The following DTNBP1 variants were observed in gnomAD, a reference collection of about 807,000 sequenced individuals.
The protein encoded by DTNBP1 is dysbindin.
DTNBP1 carries 35 observed loss-of-function variants against 42.8 expected under a neutral mutation model. The ratio of observed to expected loss-of-function variants is 0.82; its 90% confidence interval spans 0.63 to 1.09. DTNBP1 has a LOEUF of 1.09. Ranked by LOEUF, DTNBP1 falls within the 50% of genes least tolerant of loss-of-function variation. DTNBP1 has a pLI of 0.00. For missense variants in DTNBP1, 457 were observed against 424.2 expected (o/e 1.08, Z -0.68); for synonymous variants, 171 against 162.2 (o/e 1.05, Z -0.41).
intron 7 of DTNBP1, among the ~76,000 whole-genome samples, chr6:15,549,397 G>C (rs1469512678): frequency 1.3e-5 from 2 of 149,688 alleles, no homozygotes; most frequent in African/African-American, 4.9e-5. Flanking sequence ...AGACAGGTGA[G>C]TCGCTTGAAC....
chr6:15,595,916 T>C (rs1776498896), intron 6 of DTNBP1, among the ~76,000 whole-genome samples: 1 of 152,202 alleles, frequency 6.6e-6, no homozygotes, highest in Non-Finnish European at 1.5e-5. Context: ...TAAAATATTT[T>C]GTTTTATTTT....
chr6:15,592,902 C>T (rs1341946288), intron 7 of DTNBP1, among the ~76,000 whole-genome samples, 157 bp downstream of exon 7: 1 of 152,122 alleles, frequency 6.6e-6, no homozygotes, highest in African/African-American at 2.4e-5. Flanking sequence ...ATATCAAAAC[C>T]ACCTGTGATT....
At chr6:15,551,989 G>C (rs1044106132) in intron 7 of DTNBP1, among the ~76,000 whole-genome samples, 1 of 152,122 alleles carries the variant, frequency 6.6e-6, no homozygotes, top group Non-Finnish European at 1.5e-5. Context: ...CACAGCTGAC[G>C]GGAAACACCA....
At chr6:15,573,774 C>T (rs1378867755) in intron 7 of DTNBP1, among the ~76,000 whole-genome samples, 1 of 152,134 alleles carries the variant, frequency 6.6e-6, no homozygotes, top group Non-Finnish European at 1.5e-5. Context: ...GTGGTGCGAT[C>T]TCGGCTGACT....
At position 15,607,010 on chromosome 6, in the gene DTNBP1, A is replaced by T. The variant is rs867132244; in HGVS notation, c.488+8257T>A. On this transcript the variant is annotated intron_variant, in intron 6 of 9. Coordinates refer to ENST00000344537, the MANE Select transcript of DTNBP1 (RefSeq NM_032122.5). ...TTGTGAAATGCTGAGTCAAAAAAAAATTTTTTTTTTTTTTTTTTGAGACAG... is the reference window on the plus strand; with the variant it reads ...TTGTGAAATGCTGAGTCAAAAAAAATTTTTTTTTTTTTTTTTTTGAGACAG... Among the ~76,000 whole-genome samples, 1,229 of 138,080 alleles carry T rather than the reference A, an allele frequency of 8.9e-3. 24 individuals are homozygous for T. Among genetic ancestry groups the T allele is most frequent in the African/African-American group, 0.03 (1,110 of 36,594 alleles). 90.6% of individuals were successfully genotyped at this position (138,080 alleles called of 152,430 possible).
At chr6:15,641,332 G>A (rs1379637161) in intron 3 of DTNBP1, among the ~76,000 whole-genome samples, 2 of 152,188 alleles carry the variant, frequency 1.3e-5, no homozygotes, top group African/African-American at 2.4e-5. Context: ...ACAGAAAACT[G>A]AGGGAAGGGA....
intron 5 of DTNBP1, among the ~76,000 whole-genome samples, chr6:15,622,983 A>C (rs1759130195): frequency 6.6e-6 from 1 of 152,250 alleles, no homozygotes; most frequent in Non-Finnish European, 1.5e-5. Flanking sequence ...TAGGTCACAG[A>C]GGCCAGGTAC....
rs556656611 is a variant in DTNBP1, at chr6:15,523,488, G to C, written c.812-269C>G. 17 of 1,284,478 alleles carry C rather than the reference G, an allele frequency of 1.3e-5. No individual in the cohort carries two copies. The Admixed American group carries it at 3.9e-4, about 29-fold the overall frequency. The allele number at this position is 1,284,478 out of a possible 1,614,324, so 79.6% of individuals were successfully genotyped here. A position where few individuals can be genotyped will look rare whatever the true frequency, so the allele number is the denominator to read the frequency against. On this transcript the variant is annotated intron_variant, in intron 9 of 9. Transcript: ENST00000344537. ...AAGTGCTCCTAAGGCTGTAATACGC[G>C]TGTAATAGAGGCCCAAAGGCAAGTG... is the stretch of plus-strand genomic sequence containing the variant.
intron 7 of DTNBP1, among the ~76,000 whole-genome samples, chr6:15,559,395 C>G (rs971616810): frequency 1.3e-5 from 2 of 152,282 alleles, no homozygotes; most frequent in Non-Finnish European, 2.9e-5. Flanking sequence ...GAAGTGTCAT[C>G]TTGTTTTATC....
At chr6:15,625,068 G>A (rs1185849385) in intron 5 of DTNBP1, among the ~76,000 whole-genome samples, 1 of 152,096 alleles carries the variant, frequency 6.6e-6, no homozygotes, top group East Asian at 1.9e-4. Flanking sequence ...AACTCTCTCT[G>A]GGCTTATTCT....
intron 4 of DTNBP1, among the ~76,000 whole-genome samples, chr6:15,632,838 A>G (rs1759768066): frequency 6.6e-6 from 1 of 152,240 alleles, no homozygotes; most frequent in Non-Finnish European, 1.5e-5. Flanking sequence ...TTTTTTATAC[A>G]TTGCTGGATT....
intron 7 of DTNBP1, among the ~76,000 whole-genome samples, chr6:15,577,990 AAAG>A (rs1775653924): frequency 6.6e-6 from 1 of 152,360 alleles, no homozygotes; most frequent in South Asian, 2.1e-4. Flanking sequence ...GGATTAAGGA[AAAG>A]AATAGTGAAG....
chr6:15,656,357 C>G (rs1761280819), intron 1 of DTNBP1, among the ~76,000 whole-genome samples: 1 of 152,158 alleles, frequency 6.6e-6, no homozygotes, highest in South Asian at 2.1e-4. Flanking sequence ...CTTTCAAGTT[C>G]AAAGCACTAA....
At chr6:15,604,225 G>C (rs1776842415) in intron 6 of DTNBP1, among the ~76,000 whole-genome samples, 3 of 152,160 alleles carry the variant, frequency 2.0e-5, no homozygotes, top group Admixed American at 2.0e-4. Flanking sequence ...TTTCGGGGGA[G>C]AGAATAAATC....
chr6:15,652,203 A>G, intron 1 of DTNBP1, 63 bp from the exon 2 acceptor site: 1 of 1,339,442 alleles, frequency 7.5e-7, no homozygotes, highest in Non-Finnish European at 1.0e-6. Context: ...TTTTTTTGAG[A>G]CAGGGTCTCA....
chr6:15,568,845 T>A (rs1169053584), intron 7 of DTNBP1, among the ~76,000 whole-genome samples: 2 of 152,254 alleles, frequency 1.3e-5, no homozygotes, highest in Admixed American at 1.3e-4. Context: ...CAACTGTTTA[T>A]GTTATTGGTC....
intron 6 of DTNBP1, among the ~76,000 whole-genome samples, chr6:15,602,811 T>G (rs1007493365): frequency 6.6e-6 from 1 of 152,202 alleles, no homozygotes; most frequent in African/African-American, 2.4e-5. Flanking sequence ...AAGATACACT[T>G]TAGGTTTTCA....
chr6:15,545,988 C>A (rs2113380769), intron 7 of DTNBP1: 1 of 445,790 alleles, frequency 2.2e-6, no homozygotes. Context: ...CCACCATGCA[C>A]CCTGGAGGCC....
Position 15,523,508 on chromosome 6 carries a change from C to G in DTNBP1, c.812-289G>C. On this transcript the variant is annotated intron_variant, in intron 9 of 9. Transcript: ENST00000344537. ...TACGCGTGTAATAGAGGCCCAAAGG[C>G]AAGTGCTGCCTATCTTTGAGGAGCA... The G allele has an allele frequency of 4.7e-6, 6 of 1,278,044 alleles. No individual in the cohort carries two copies. The African/African-American group carries it at 6.1e-5, about 13-fold the overall frequency. 79.2% of individuals were successfully genotyped at this position (1,278,044 alleles called of 1,614,324 possible). A position where few individuals can be genotyped will look rare whatever the true frequency, so the allele number is the denominator to read the frequency against.
Sources: allele counts gnomAD v4.1 joint callset (sites outside exome capture counted in the v4.1 genomes callset), GRCh38; gene constraint gnomAD v4.1.1; transcripts MANE v1.5; gene names NCBI Gene and HGNC (gene_info 2026-07-23, HGNC 2026-07-21).